The following FHIT variants were observed in gnomAD, a reference collection of about 807,000 sequenced individuals.
The protein encoded by FHIT is fragile histidine triad diadenosine triphosphatase.
A neutral mutation model predicts 17.9 loss-of-function variants in FHIT; 19 were observed. The observed-to-expected ratio is 1.06, with a 90% CI of 0.74 to 1.56. The LOEUF (loss-of-function observed/expected upper bound fraction) is 1.56, where lower values mean the gene tolerates loss of function less well. Among genes scored for constraint, FHIT ranks in the 40% most tolerant of loss-of-function variants. FHIT has a pLI of 0.00. For missense variants in FHIT, 248 were observed against 189.2 expected (o/e 1.31, Z -1.82); for synonymous variants, 81 against 69.7 (o/e 1.16, Z -0.81).
At chr3:60,924,661 C>T (rs138994236) in intron 3 of FHIT, among the ~76,000 whole-genome samples, 2,842 of 152,250 alleles carry the variant, frequency 0.019, 91 homozygotes, top group African/African-American at 0.065. Flanking sequence ...CTCTCCTCCT[C>T]GAAAGGAACG....
chr3:61,202,300 T>A (rs2039045927), intron 1 of FHIT, among the ~76,000 whole-genome samples: 2 of 149,636 alleles, frequency 1.3e-5, no homozygotes, highest in South Asian at 4.3e-4. Context: ...CGCTGCCCTG[T>A]CCGGGAAGTG....
chr3:61,086,569 C>T (rs1196172271), intron 2 of FHIT, among the ~76,000 whole-genome samples: 1 of 152,100 alleles, frequency 6.6e-6, no homozygotes, highest in Non-Finnish European at 1.5e-5. Flanking sequence ...TACAAATCAA[C>T]AAATGCTTCA....
intron 4 of FHIT, among the ~76,000 whole-genome samples, chr3:60,794,725 CATA>C (rs1553729688): frequency 6.6e-6 from 1 of 152,154 alleles, no homozygotes; most frequent in Non-Finnish European, 1.5e-5. Flanking sequence ...TTTAAATTTT[CATA>C]ATGAGTCCGT....
intron 7 of FHIT, among the ~76,000 whole-genome samples, chr3:59,998,035 G>T (rs1699586387): frequency 6.6e-6 from 1 of 152,144 alleles, no homozygotes; most frequent in South Asian, 2.1e-4. Flanking sequence ...TTTCTCAGCT[G>T]GGTTTTCATG....
At chr3:59,838,329 T>C (rs1374045680) in intron 8 of FHIT, among the ~76,000 whole-genome samples, 2 of 152,188 alleles carry the variant, frequency 1.3e-5, no homozygotes, top group Non-Finnish European at 2.9e-5. Flanking sequence ...ATTGTCTAGA[T>C]GGCAGAGTTC....
chr3:60,544,392 A>G (rs905501532), intron 4 of FHIT, among the ~76,000 whole-genome samples: 13 of 152,120 alleles, frequency 8.5e-5, no homozygotes, highest in East Asian at 3.9e-4. Flanking sequence ...TGCTTTTCCT[A>G]TATCACTGAT....
chr3:60,040,846 T>G lies in FHIT; in HGVS notation c.104-26694A>C, dbSNP rs555676006. On this transcript the variant is annotated intron_variant, in intron 5 of 9. Transcript: ENST00000492590. The stretch of plus-strand genomic sequence containing the variant: ...TCTGTTTCTTTGAGAGATTCAAGAC[T>G]GGATTTCCTTTTAATTAACATGGGG... 1.5e-4 allele frequency among the ~76,000 whole-genome samples: 23 copies of G among 152,234 alleles called. No homozygotes were observed. The South Asian group carries it at 2.1e-3, about 14-fold the overall frequency.
chr3:60,713,054 G>T (rs2041582795), intron 4 of FHIT, among the ~76,000 whole-genome samples: 1 of 152,090 alleles, frequency 6.6e-6, no homozygotes, highest in Admixed American at 6.6e-5. Context: ...AAACGTAAAA[G>T]AAGAGAAATT....
intron 8 of FHIT, among the ~76,000 whole-genome samples, chr3:59,761,174 G>A (rs1158242725): frequency 6.6e-6 from 1 of 152,200 alleles, no homozygotes; most frequent in African/African-American, 2.4e-5. Context: ...ACTGTGGCAA[G>A]AGCCTGACTC....
intron 5 of FHIT, among the ~76,000 whole-genome samples, chr3:60,363,642 C>T (rs971200293): frequency 2.0e-5 from 3 of 152,066 alleles, no homozygotes; most frequent in Non-Finnish European, 4.4e-5. Flanking sequence ...TTAATGGTGT[C>T]ACTGTAAAGC....
intron 2 of FHIT, among the ~76,000 whole-genome samples, chr3:61,183,725 G>A (rs1306131029): frequency 6.6e-6 from 1 of 152,146 alleles, no homozygotes; most frequent in Non-Finnish European, 1.5e-5. Flanking sequence ...ACAATGCCAT[G>A]ATAAATATCA....
At chr3:60,511,100 G>C (rs1352786550) in intron 5 of FHIT, among the ~76,000 whole-genome samples, 1 of 152,138 alleles carries the variant, frequency 6.6e-6, no homozygotes, top group Non-Finnish European at 1.5e-5. Flanking sequence ...AGAATGCCTA[G>C]GTGTGAGTCT....
chr3:59,923,687 G>A (rs547075002), intron 7 of FHIT, among the ~76,000 whole-genome samples: 1 of 152,230 alleles, frequency 6.6e-6, no homozygotes, highest in African/African-American at 2.4e-5. Flanking sequence ...ATAGAGAGAG[G>A]CAGACAGAGG....
intron 3 of FHIT, among the ~76,000 whole-genome samples, chr3:60,938,408 T>A (rs1485508743): frequency 6.6e-6 from 1 of 152,158 alleles, no homozygotes; most frequent in East Asian, 1.9e-4. Context: ...CAGTATGGAA[T>A]CCATTTCTCA....
At chr3:60,743,315 C>T (rs782655621) in intron 4 of FHIT, among the ~76,000 whole-genome samples, 7 of 152,112 alleles carry the variant, frequency 4.6e-5, no homozygotes, top group Non-Finnish European at 8.8e-5. Flanking sequence ...ACTTTATTGT[C>T]ATTAATATCA....
chr3:60,309,769 G>A (rs566306910), intron 5 of FHIT, among the ~76,000 whole-genome samples: 26 of 151,804 alleles, frequency 1.7e-4, no homozygotes, highest in East Asian at 3.9e-4. Context: ...ATAGAACCAT[G>A]TGGTGGCTTT....
intron 5 of FHIT, among the ~76,000 whole-genome samples, chr3:60,414,254 A>T (rs1312425008): frequency 5.9e-5 from 9 of 152,214 alleles, no homozygotes; most frequent in Non-Finnish European, 2.9e-5. Flanking sequence ...GGAGTCAGGC[A>T]GATAACTTGC....
intron 4 of FHIT, among the ~76,000 whole-genome samples, chr3:60,539,765 G>A (rs2036118994): frequency 6.6e-6 from 1 of 151,950 alleles, no homozygotes; most frequent in Non-Finnish European, 1.5e-5. Context: ...CACAGGAAGG[G>A]GAACATCACA....
intron 8 of FHIT, among the ~76,000 whole-genome samples, chr3:59,892,590 C>T (rs536888151): frequency 5.5e-4 from 84 of 152,168 alleles, no homozygotes; most frequent in African/African-American, 1.9e-3. Flanking sequence ...AGCCAGAACA[C>T]GAGAAACAAG....
Sources: allele counts gnomAD v4.1 joint callset (sites outside exome capture counted in the v4.1 genomes callset), GRCh38; gene constraint gnomAD v4.1.1; transcripts MANE v1.5; gene names NCBI Gene and HGNC (gene_info 2026-07-23, HGNC 2026-07-21).